NXPH2: variants seen among roughly 807,000 people sequenced by gnomAD.
NXPH2 encodes neurexophilin-2.
NXPH2 carries 5 observed loss-of-function variants against 19.8 expected under a neutral mutation model. The observed-to-expected ratio is 0.25, with a 90% CI of 0.13 to 0.53. NXPH2 has a LOEUF of 0.53. Ranked by LOEUF, NXPH2 falls within the 20% of genes least tolerant of loss-of-function variation. The probability of loss-of-function intolerance (pLI) is 0.96; values close to 1 mark genes in which losing one functional copy is unlikely to be tolerated. For synonymous variants in NXPH2, 154 were observed against 127.4 expected, an observed-to-expected ratio of 1.21 and a Z score of -1.41; for missense variants, 289 against 322.8, an observed-to-expected ratio of 0.90 and a Z score of 0.80.
chr2:138,737,147 G>C (rs1236407833), intron 1 of NXPH2, among the ~76,000 whole-genome samples: 2 of 152,132 alleles, frequency 1.3e-5, no homozygotes, highest in Admixed American at 6.5e-5. Flanking sequence ...CACATTTTCA[G>C]GTATCTTTTT....
At chr2:138,757,539 G>T (rs1047037437) in intron 1 of NXPH2, among the ~76,000 whole-genome samples, 3 of 152,046 alleles carry the variant, frequency 2.0e-5, no homozygotes, top group African/African-American at 7.2e-5. Context: ...GTCCGTCCTT[G>T]TGGCATTCCC....
At chr2:138,748,623 C>G (rs985527138) in intron 1 of NXPH2, among the ~76,000 whole-genome samples, 3 of 152,132 alleles carry the variant, frequency 2.0e-5, no homozygotes, top group Non-Finnish European at 1.5e-5. Flanking sequence ...CACGCACACA[C>G]ATACACACAT....
chr2:138,678,670 T>C (rs921836216), intron 1 of NXPH2, among the ~76,000 whole-genome samples: 10 of 152,238 alleles, frequency 6.6e-5, no homozygotes, highest in Non-Finnish European at 1.3e-4. Flanking sequence ...ATTTTATTTT[T>C]ATTTAATATT....
At chr2:138,704,316 G>T (rs564554628) in intron 1 of NXPH2, among the ~76,000 whole-genome samples, 13 of 152,208 alleles carry the variant, frequency 8.5e-5, no homozygotes, top group Non-Finnish European at 1.9e-4. Context: ...TAAGCCAGGG[G>T]CTGGTCACTC....
intron 1 of NXPH2, among the ~76,000 whole-genome samples, chr2:138,743,361 G>A (rs1681674823): frequency 6.6e-6 from 1 of 152,296 alleles, no homozygotes; most frequent in East Asian, 1.9e-4. Context: ...TAAAATGAAG[G>A]ACTGATACCT....
In NXPH2 at chr2:138,670,700, A is replaced by G; in HGVS notation, c.*222T>C. 2.2e-6 allele frequency: 1 copy of G among 445,612 alleles called. No individual in the cohort carries two copies. The highest frequency in any genetic ancestry group is 3.9e-6 in the Non-Finnish European group (1 of 254,368). The allele number at this position is 445,612 out of a possible 1,614,324, so 27.6% of individuals were successfully genotyped here. On this transcript the variant is annotated 3_prime_UTR_variant, in exon 2 of 2. Transcript: ENST00000272641. Reference sequence around the variant, plus strand: ...CATCTTGCATGAAAGTGATGGTTTCATAAACAGTTTAACTTTTTAGATAAA... The same window carrying G: ...CATCTTGCATGAAAGTGATGGTTTCGTAAACAGTTTAACTTTTTAGATAAA...
intron 1 of NXPH2, among the ~76,000 whole-genome samples, chr2:138,686,749 T>C (rs1489904496): frequency 3.3e-5 from 5 of 152,130 alleles, no homozygotes; most frequent in Non-Finnish European, 7.4e-5. Flanking sequence ...CCCCTTCCTG[T>C]GTCCGTGTGT....
Position 138,671,477 on chromosome 2 carries a change from A to C in NXPH2, c.240T>G (p.Phe80Leu). 6.2e-7 allele frequency: 1 copy of C among 1,613,890 alleles called. No individual in the cohort carries two copies. The highest frequency in any genetic ancestry group is 1.7e-5 in the Admixed American group (1 of 60,008). ...CCGTGATGTTGGCCAGCCAATCCCA[A>C]AAGTTTTCCATGCTGTCTGCGTACG... ...PMAYADSMEN[F>L]WDWLANITEI... is the part of the protein sequence containing the mutation. Residue 80 changes from phenylalanine (F) to leucine (L), a missense_variant, in exon 2 of 2, where the codon TTT (phenylalanine) becomes TTG (leucine). By Grantham distance (22) the Phe-to-Leu change is conservative (BLOSUM62 0). Transcript: ENST00000272641.
rs1309664905 is a variant in NXPH2 at position 138,670,119 on chromosome 2, T to C, written c.*803A>G. On this transcript the variant is annotated 3_prime_UTR_variant, in exon 2 of 2. Transcript: ENST00000272641. The stretch of plus-strand genomic sequence containing the variant: ...TTGAATAAAGCTCTAAGCTATAGGA[T>C]GCATACAAATTTTGTCATTTTTTGA... Among the ~76,000 whole-genome samples, 1 of 152,248 alleles carries C rather than the reference T, an allele frequency of 6.6e-6. No individual in the cohort carries two copies. The highest frequency in any genetic ancestry group is 2.4e-5 in the African/African-American group (1 of 41,460).
intron 1 of NXPH2, among the ~76,000 whole-genome samples, chr2:138,731,339 T>C (rs1681446059): frequency 1.3e-5 from 2 of 152,136 alleles, no homozygotes; most frequent in South Asian, 4.1e-4. Context: ...CTCGGTCAAA[T>C]TTAAGCAATA....
At position 138,678,658 on chromosome 2, in the gene NXPH2, C is replaced by T. The variant is rs140462868; in HGVS notation, c.52-6993G>A. 3.8e-3 allele frequency among the ~76,000 whole-genome samples: 573 copies of T among 152,148 alleles called. 4 individuals carry two copies. The highest frequency in any genetic ancestry group is 0.013 in the African/African-American group (547 of 41,498). ...TCTGTCATCACCATTATTCATATTG[C>T]TATTTTATTTTTATTTAATATTAAT... is the stretch of plus-strand genomic sequence containing the variant. On this transcript the variant is annotated intron_variant, in intron 1 of 1. Coordinates refer to ENST00000272641, the MANE Select transcript of NXPH2 (RefSeq NM_007226.3).
chr2:138,718,079 A>T (rs1042079446), intron 1 of NXPH2, among the ~76,000 whole-genome samples: 1 of 152,118 alleles, frequency 6.6e-6, no homozygotes, highest in African/African-American at 2.4e-5. Context: ...GACTAAAAAA[A>T]GTTCTAAGAG....
chr2:138,699,806 T>C (rs1680891905), intron 1 of NXPH2, among the ~76,000 whole-genome samples: 1 of 152,234 alleles, frequency 6.6e-6, no homozygotes, highest in Non-Finnish European at 1.5e-5. Flanking sequence ...AACACGTTCA[T>C]GCGTATTTTC....
At chr2:138,758,457 G>C (rs1681949485) in intron 1 of NXPH2, among the ~76,000 whole-genome samples, 1 of 152,058 alleles carries the variant, frequency 6.6e-6, no homozygotes, top group South Asian at 2.1e-4. Context: ...ATTTTGACTT[G>C]CTCAAGGTCA....
At chr2:138,702,193 T>C (rs1177081831) in intron 1 of NXPH2, among the ~76,000 whole-genome samples, 1 of 152,166 alleles carries the variant, frequency 6.6e-6, no homozygotes, top group Non-Finnish European at 1.5e-5. Context: ...GATAGCTCAC[T>C]GTAATCTCAA....
At chr2:138,758,805 A>G (rs1681955159) in intron 1 of NXPH2, among the ~76,000 whole-genome samples, 1 of 152,200 alleles carries the variant, frequency 6.6e-6, no homozygotes, top group Non-Finnish European at 1.5e-5. Flanking sequence ...AAACACCAGC[A>G]AAAAGTTTGC....
rs1328721803 is a variant in NXPH2, at chr2:138,671,150, A to T, written c.567T>A (p.Ile189=). 1 of 1,613,870 alleles carries T rather than the reference A, an allele frequency of 6.2e-7. No homozygotes were observed. The change falls in exon 2 of 2, where the codon ATT becomes ATA. Residue 189 remains isoleucine, a synonymous_variant. Transcript: ENST00000272641. ...TCGCCCGATCTGTTTTTTCATACTC[A>T]ATGCGACAATTGAAAGATTTGGATT... ...TKESKSFNCR[I]EYEKTDRAKK...
Position 138,765,375 on chromosome 2 carries a change from A to G in NXPH2, c.51+14816T>C, listed in dbSNP as rs116101908. On this transcript the variant is annotated intron_variant, in intron 1 of 1. Coordinates refer to ENST00000272641, the MANE Select transcript of NXPH2 (RefSeq NM_007226.3). Reference sequence around the variant, plus strand: ...ATTTATGCATAGTTAAAATTTTGTGAAAATATATTTCAAATTTTAACACCA... The same window carrying G: ...ATTTATGCATAGTTAAAATTTTGTGGAAATATATTTCAAATTTTAACACCA... Among the ~76,000 whole-genome samples the G allele has an allele frequency of 6.7e-3, 1,024 of 152,312 alleles. 11 individuals are homozygous for G. Among genetic ancestry groups the G allele is most frequent in the African/African-American group, 0.022 (933 of 41,566 alleles).
At chr2:138,748,734 T>C (rs75652132) in intron 1 of NXPH2, among the ~76,000 whole-genome samples, 6,936 of 152,216 alleles carry the variant, frequency 0.046, 178 homozygotes, top group African/African-American at 0.071. Context: ...TACTGACTAT[T>C]GGATTAACTT....
Sources: gnomAD v4.1 joint callset for allele counts (sites outside exome capture counted in the v4.1 genomes callset) on GRCh38, gnomAD v4.1.1 for gene constraint, MANE v1.5 for transcripts, NCBI Gene and HGNC (gene_info 2026-07-23, HGNC 2026-07-21) for gene names.